GLIS1: variants seen among roughly 807,000 people sequenced by gnomAD.
The protein encoded by GLIS1 is zinc finger protein GLIS1.
A neutral mutation model predicts 63.8 loss-of-function variants in GLIS1; 24 were observed. The observed-to-expected ratio is 0.38, with a 90% CI of 0.27 to 0.53. The LOEUF is 0.53. GLIS1 is among the 20% of genes least tolerant of loss of function. The pLI, the probability that GLIS1 is intolerant of heterozygous loss-of-function variation, is 0.85. For synonymous variants in GLIS1, 450 were observed against 482.5 expected (o/e 0.93, Z 0.88); for missense variants, 1,036 against 1,074.1 (o/e 0.96, Z 0.50).
chr1:53,700,930 G>A (rs928726017), intron 2 of GLIS1, among the ~76,000 whole-genome samples: 9 of 152,340 alleles, frequency 5.9e-5, no homozygotes, highest in Middle Eastern at 3.4e-3. Flanking sequence ...AGGCTCATCC[G>A]TGTTGTAAGA....
intron 7 of GLIS1, among the ~76,000 whole-genome samples, chr1:53,516,356 A>C (rs1339828416): frequency 6.6e-6 from 1 of 152,150 alleles, no homozygotes. Context: ...CCAGGCCTGC[A>C]ATTCAGGAGG....
In GLIS1 at chr1:53,539,553, CACA is replaced by C. The variant is rs1181613950; in HGVS notation, c.1321-9604_1321-9602del. On this transcript the variant is annotated intron_variant, in intron 4 of 10. Coordinates refer to ENST00000628545, the MANE Select transcript of GLIS1 (RefSeq NM_001367484.1). This position sits in a 1 kb window ranked among gnomAD's most constrained non-coding sequence, Gnocchi z 5.0. ...ACATACCACACGGTATACACCCCCC[CACA>C]CACACTACACATCATACACATAAAC... Among the ~76,000 whole-genome samples, 2 of 120,974 alleles carry C rather than the reference CACA, an allele frequency of 1.7e-5. No individual in the cohort carries two copies. The highest frequency in any genetic ancestry group is 5.5e-5 in the African/African-American group (2 of 36,532). 79.4% of individuals were successfully genotyped at this position (120,974 alleles called of 152,430 possible).
chr1:53,677,706 C>T lies in GLIS1; in HGVS notation c.259+60100G>A, dbSNP rs1017276934. On this transcript the variant is annotated intron_variant, in intron 2 of 10. Transcript: ENST00000628545. ...CAGCCGCGGGCACCCGCGAGGAGCA[C>T]CTTCACTTCACGCTTGCTGTCACGC... Among the ~76,000 whole-genome samples the T allele has an allele frequency of 3.3e-5, 5 of 152,262 alleles. No individual in the cohort carries two copies. The South Asian group carries it at 1.0e-3, about 31-fold the overall frequency.
At chr1:53,589,425 G>A (rs779889350) in intron 4 of GLIS1, among the ~76,000 whole-genome samples, 7 of 152,200 alleles carry the variant, frequency 4.6e-5, no homozygotes, top group Non-Finnish European at 1.0e-4. Context: ...GTAAAGGTTT[G>A]GGGCAAGGCA....
intron 5 of GLIS1, among the ~76,000 whole-genome samples, chr1:53,528,308 G>T (rs944070370): frequency 3.9e-5 from 6 of 152,208 alleles, no homozygotes; most frequent in Non-Finnish European, 8.8e-5. Context: ...CCTCTGCTCT[G>T]CTGCATCCCC....
intron 2 of GLIS1, among the ~76,000 whole-genome samples, chr1:53,678,255 C>A (rs537469103): frequency 6.6e-6 from 1 of 150,758 alleles, no homozygotes; most frequent in South Asian, 2.1e-4. Context: ...GCCCAGAGGG[C>A]CCCCTTGCAC....
intron 2 of GLIS1, among the ~76,000 whole-genome samples, chr1:53,674,048 T>G (rs1044039531): frequency 3.3e-5 from 5 of 151,936 alleles, no homozygotes; most frequent in African/African-American, 1.2e-4. Context: ...GGCACGCGCC[T>G]GTAATCCCAG....
intron 2 of GLIS1, among the ~76,000 whole-genome samples, chr1:53,651,167 G>A (rs1645902638): frequency 6.6e-6 from 1 of 152,154 alleles, no homozygotes; most frequent in South Asian, 2.1e-4. Context: ...TCCACATATG[G>A]GCAGAGCGAT....
At chr1:53,725,407 G>C (rs1646795660) in intron 2 of GLIS1, among the ~76,000 whole-genome samples, 1 of 152,198 alleles carries the variant, frequency 6.6e-6, no homozygotes, top group African/African-American at 2.4e-5. Flanking sequence ...GGCCAGGGGA[G>C]TGAGCACCAG....
chr1:53,565,370 G>A (rs1284748510), intron 4 of GLIS1, among the ~76,000 whole-genome samples: 1 of 151,884 alleles, frequency 6.6e-6, no homozygotes, highest in Non-Finnish European at 1.5e-5. Flanking sequence ...TAAAAGGAAG[G>A]AGATAATAAA....
intron 8 of GLIS1, among the ~76,000 whole-genome samples, chr1:53,513,353 T>G (rs971987701): frequency 6.6e-6 from 1 of 152,080 alleles, no homozygotes; most frequent in Non-Finnish European, 1.5e-5. Flanking sequence ...ACCACATCAC[T>G]GCTCAACACT....
chr1:53,698,437 T>G (rs1455952059), intron 2 of GLIS1, among the ~76,000 whole-genome samples: 1 of 152,204 alleles, frequency 6.6e-6, no homozygotes, highest in Non-Finnish European at 1.5e-5. Flanking sequence ...TAACCCATGG[T>G]TCTCTCACTT....
intron 2 of GLIS1, among the ~76,000 whole-genome samples, chr1:53,650,185 C>G (rs114906193): frequency 6.6e-6 from 1 of 152,048 alleles, no homozygotes; most frequent in African/African-American, 2.4e-5. Context: ...ATAATCCAGA[C>G]GGAGAAATAG....
At chr1:53,581,338 AC>A (rs992648335) in intron 4 of GLIS1, among the ~76,000 whole-genome samples, 8 of 151,222 alleles carry the variant, frequency 5.3e-5, no homozygotes, top group African/African-American at 1.9e-4. Context: ...CTGCTGCAAA[AC>A]CCCCCACTTC....
At chr1:53,597,544 A>C (rs148361362) in intron 3 of GLIS1, among the ~76,000 whole-genome samples, 86 of 152,196 alleles carry the variant, frequency 5.7e-4, no homozygotes, top group Admixed American at 1.4e-3. Flanking sequence ...TTAGAGAGTT[A>C]GGCTGGAGGC....
chr1:53,597,928 C>T (rs941201694), intron 3 of GLIS1, among the ~76,000 whole-genome samples: 3 of 152,082 alleles, frequency 2.0e-5, no homozygotes, highest in African/African-American at 7.2e-5. Flanking sequence ...AATCCTCTTC[C>T]TTAGCTTTTC....
intron 4 of GLIS1, among the ~76,000 whole-genome samples, chr1:53,548,034 C>T (rs968503035): frequency 1.3e-5 from 2 of 152,252 alleles, no homozygotes; most frequent in Admixed American, 1.3e-4. Flanking sequence ...ACTCCTCCTG[C>T]TTCTCCCTCC....
At chr1:53,515,538 A>G (rs184711565) in intron 7 of GLIS1, among the ~76,000 whole-genome samples, 5 of 152,248 alleles carry the variant, frequency 3.3e-5, no homozygotes, top group Non-Finnish European at 7.4e-5. Flanking sequence ...AACCTTCAGA[A>G]GACACCTGCA....
intron 4 of GLIS1, among the ~76,000 whole-genome samples, chr1:53,579,475 G>A (rs1234904627): frequency 2.6e-5 from 4 of 152,246 alleles, no homozygotes; most frequent in African/African-American, 9.6e-5. Flanking sequence ...GGGATCCCAT[G>A]GCTGATTTCA....
Sources: allele counts gnomAD v4.1 joint callset (sites outside exome capture counted in the v4.1 genomes callset), GRCh38; gene constraint gnomAD v4.1.1; non-coding constraint Gnocchi (gnomAD v3.1); transcripts MANE v1.5; gene names NCBI Gene and HGNC (gene_info 2026-07-23, HGNC 2026-07-21).